C3orf70: variants seen among roughly 807,000 people sequenced by gnomAD.
C3orf70 encodes chromosome 3 open reading frame 70.
Under a neutral mutation model 20.7 loss-of-function variants are expected in C3orf70, and 15 were observed. The ratio of observed to expected loss-of-function variants is 0.72; its 90% confidence interval spans 0.48 to 1.11. The LOEUF (loss-of-function observed/expected upper bound fraction) is 1.11. Among genes scored for constraint, C3orf70 ranks in the 50% most tolerant of loss-of-function variants. The probability of loss-of-function intolerance (pLI) is 0.00; values close to 1 mark genes in which losing one functional copy is unlikely to be tolerated. For synonymous variants in C3orf70, 161 were observed against 125.7 expected (o/e 1.28, Z -1.88); for missense variants, 332 against 317.6 (o/e 1.05, Z -0.34).
rs1427915565 is a variant in C3orf70, at chr3:185,077,649, C to A, written c.*5358G>T. 6.6e-6 allele frequency among the ~76,000 whole-genome samples: 1 copy of A among 152,106 alleles called. No individual in the cohort carries two copies. On this transcript the variant is annotated 3_prime_UTR_variant, in exon 2 of 2. Transcript: ENST00000335012. ...CCTGAGTCTTGGTGACCAAGCGACC[C>A]CCCCAAGCTCTGCCGGGCAGCAGCC...
intron 1 of C3orf70, among the ~76,000 whole-genome samples, chr3:185,107,355 C>T (rs1186804261): frequency 2.0e-5 from 3 of 152,120 alleles, no homozygotes; most frequent in African/African-American, 7.2e-5. Flanking sequence ...ATGGGGAGCA[C>T]AAGTTCTAAT....
At chr3:185,115,827 C>T (rs1002094581) in intron 1 of C3orf70, among the ~76,000 whole-genome samples, 1 of 152,184 alleles carries the variant, frequency 6.6e-6, no homozygotes, top group African/African-American at 2.4e-5. Context: ...TGTGACCTCA[C>T]ACGGCAAAAA....
rs6444034 is a variant in C3orf70, at chr3:185,152,433, G to A, written c.196+195C>T. ...CACGGGATTTCATCTCGTCGTCAAGGCAGCGCCAACCCCAGCCGTCCGGCG... is the reference window on the plus strand; with the variant it reads ...CACGGGATTTCATCTCGTCGTCAAGACAGCGCCAACCCCAGCCGTCCGGCG... On this transcript the variant is annotated intron_variant, in intron 1 of 1. Coordinates refer to ENST00000335012, the MANE Select transcript of C3orf70 (RefSeq NM_001025266.3). Among the ~76,000 whole-genome samples, 1,509 of 152,288 alleles carry A rather than the reference G, an allele frequency of 9.9e-3. 32 individuals carry two copies. The highest frequency in any genetic ancestry group is 0.034 in the African/African-American group (1,421 of 41,566).
At chr3:185,094,074 GTTTTT>G (rs71162282) in intron 1 of C3orf70, among the ~76,000 whole-genome samples, 37 of 80,652 alleles carry the variant, frequency 4.6e-4, no homozygotes, top group Non-Finnish European at 7.1e-4. Flanking sequence ...ATACCCTGGG[GTTTTT>G]TTTTTTTTTT....
intron 1 of C3orf70, among the ~76,000 whole-genome samples, chr3:185,086,631 G>C (rs1361754846): frequency 6.6e-6 from 1 of 152,186 alleles, no homozygotes; most frequent in Non-Finnish European, 1.5e-5. Context: ...CCAGTCTGTG[G>C]TATTTTATTA....
At chr3:185,111,130 A>G (rs80274308) in intron 1 of C3orf70, among the ~76,000 whole-genome samples, 7,927 of 152,348 alleles carry the variant, frequency 0.052, 671 homozygotes, top group African/African-American at 0.18. Flanking sequence ...GGAACTAAAC[A>G]TAAGAGCTAA....
intron 1 of C3orf70, among the ~76,000 whole-genome samples, chr3:185,110,013 T>C (rs1477211312): frequency 6.6e-6 from 1 of 152,222 alleles, no homozygotes; most frequent in Non-Finnish European, 1.5e-5. Context: ...GGCCACACTA[T>C]GTTCAGCTGG....
At chr3:185,106,979 C>T (rs1001710885) in intron 1 of C3orf70, among the ~76,000 whole-genome samples, 3 of 151,736 alleles carry the variant, frequency 2.0e-5, no homozygotes, top group African/African-American at 7.3e-5. Context: ...CGTATGTGGA[C>T]ATGGGGAAAA....
chr3:185,098,859 A>T (rs1715763560), intron 1 of C3orf70, among the ~76,000 whole-genome samples: 1 of 152,210 alleles, frequency 6.6e-6, no homozygotes, highest in Admixed American at 6.5e-5. Flanking sequence ...TTCCCAAGCA[A>T]GAGAAAAATC....
chr3:185,146,476 C>CG (rs1716879238), intron 1 of C3orf70, among the ~76,000 whole-genome samples: 1 of 151,760 alleles, frequency 6.6e-6, no homozygotes, highest in African/African-American at 2.4e-5. Context: ...TTAGTAGAGA[C>CG]GGGGTTTCTC....
chr3:185,144,957 G>A (rs780093895), intron 1 of C3orf70, among the ~76,000 whole-genome samples: 1 of 152,178 alleles, frequency 6.6e-6, no homozygotes, highest in Non-Finnish European at 1.5e-5. Flanking sequence ...GAAGCAACAG[G>A]AGGTTTAGTA....
intron 1 of C3orf70, among the ~76,000 whole-genome samples, chr3:185,084,415 G>A (rs543519070): frequency 3.3e-5 from 5 of 151,842 alleles, no homozygotes; most frequent in East Asian, 1.9e-4. Context: ...GGATTGTCCC[G>A]GCCACCCTCA....
intron 1 of C3orf70, among the ~76,000 whole-genome samples, chr3:185,127,467 C>G (rs1456668995): frequency 6.6e-6 from 1 of 151,982 alleles, no homozygotes; most frequent in Non-Finnish European, 1.5e-5. Flanking sequence ...GAGATGGAGT[C>G]TCATTCTTGT....
At chr3:185,141,913 A>C (rs1192691243) in intron 1 of C3orf70, among the ~76,000 whole-genome samples, 1 of 152,128 alleles carries the variant, frequency 6.6e-6, no homozygotes, top group African/African-American at 2.4e-5. Flanking sequence ...AAACCCAGAT[A>C]ATGGTTTCCA....
At chr3:185,118,361 G>A (rs950587440) in intron 1 of C3orf70, among the ~76,000 whole-genome samples, 4 of 152,050 alleles carry the variant, frequency 2.6e-5, no homozygotes, top group African/African-American at 9.7e-5. Context: ...AAACCATCCT[G>A]GATATATTTT....
chr3:185,097,246 C>T (rs570680467), intron 1 of C3orf70, among the ~76,000 whole-genome samples: 1 of 152,102 alleles, frequency 6.6e-6, no homozygotes, highest in African/African-American at 2.4e-5. Flanking sequence ...TAATAAATGT[C>T]ATATATTAAA....
At chr3:185,100,974 C>A (rs1169506995) in intron 1 of C3orf70, among the ~76,000 whole-genome samples, 1 of 152,052 alleles carries the variant, frequency 6.6e-6, no homozygotes, top group East Asian at 1.9e-4. Flanking sequence ...CCTCCCGAGA[C>A]TGAGCCAGGA....
intron 1 of C3orf70, among the ~76,000 whole-genome samples, chr3:185,142,434 A>C (rs1273127988): frequency 6.6e-6 from 1 of 152,232 alleles, no homozygotes; most frequent in Non-Finnish European, 1.5e-5. Context: ...CCCTGCTCAA[A>C]AACAAAGAAT....
chr3:185,094,200 C>T (rs1016296050), intron 1 of C3orf70, among the ~76,000 whole-genome samples: 4 of 150,690 alleles, frequency 2.7e-5, no homozygotes, highest in Admixed American at 6.6e-5. Flanking sequence ...ACTTCAGCCT[C>T]CTGAGTAGCT....
Sources: gnomAD v4.1 joint callset for allele counts (sites outside exome capture counted in the v4.1 genomes callset) on GRCh38, gnomAD v4.1.1 for gene constraint, MANE v1.5 for transcripts, NCBI Gene and HGNC (gene_info 2026-07-23, HGNC 2026-07-21) for gene names.